Variants in GRK5 observed in about 807,000 individuals in gnomAD.
GRK5 encodes g protein-coupled receptor kinase GRK5.
In GRK5, 40 loss-of-function variants were observed where a neutral mutation model predicts 78.4. The ratio of observed to expected loss-of-function variants is 0.51; its 90% CI spans 0.40 to 0.66. The LOEUF (loss-of-function observed/expected upper bound fraction) is 0.66. GRK5 is among the 30% of genes least tolerant of loss of function. The pLI is 0.00. For synonymous variants in GRK5, 289 were observed against 296.8 expected (o/e 0.97, Z 0.27); for missense variants, 598 against 759.9 (o/e 0.79, Z 2.50).
At chr10:119,221,268 C>G (rs964288808) in intron 1 of GRK5, among the ~76,000 whole-genome samples, 2 of 152,144 alleles carry the variant, frequency 1.3e-5, no homozygotes, top group Non-Finnish European at 2.9e-5. Flanking sequence ...TGTAGGTGAA[C>G]GTTTTCCCAA....
chr10:119,436,537 C>A, intron 8 of GRK5, 114 bp from the exon 9 acceptor site: 1 of 1,019,062 alleles, frequency 9.8e-7, no homozygotes, highest in Non-Finnish European at 1.5e-6. Flanking sequence ...TGCAGGGGAG[C>A]AGGGTGAGGC....
At chr10:119,261,033 G>T in intron 1 of GRK5, among the ~76,000 whole-genome samples, 1 of 142,386 alleles carries the variant, frequency 7.0e-6, no homozygotes, top group Non-Finnish European at 1.6e-5. Context: ...CCGGGCAGGG[G>T]GCTGACCCCC....
intron 1 of GRK5, among the ~76,000 whole-genome samples, chr10:119,316,488 C>T (rs1002765084): frequency 6.6e-6 from 1 of 152,228 alleles, no homozygotes; most frequent in South Asian, 2.1e-4. Context: ...CAGGCACCTG[C>T]CACAAGGGTG....
chr10:119,420,350 A>C (rs1054027513), intron 4 of GRK5, among the ~76,000 whole-genome samples: 6 of 61,422 alleles, frequency 9.8e-5, no homozygotes, highest in Non-Finnish European at 2.3e-4. Flanking sequence ...ACAAACAAAC[A>C]AACAAAAAAA....
At chr10:119,417,400 A>T (rs1045061390) in intron 4 of GRK5, among the ~76,000 whole-genome samples, 1 of 152,156 alleles carries the variant, frequency 6.6e-6, no homozygotes, top group African/African-American at 2.4e-5. Context: ...GCGGCAGTTG[A>T]CCTGGGAGGG....
At chr10:119,362,450 C>T (rs1333764491) in intron 2 of GRK5, among the ~76,000 whole-genome samples, 2 of 152,206 alleles carry the variant, frequency 1.3e-5, no homozygotes, top group Non-Finnish European at 2.9e-5. Context: ...TTCCTGGAAC[C>T]AGGGTGTTTG....
chr10:119,262,329 GTTTTTTTTTTT>G (rs149424799), intron 1 of GRK5, among the ~76,000 whole-genome samples: 5 of 67,544 alleles, frequency 7.4e-5, no homozygotes, highest in African/African-American at 2.7e-4. Flanking sequence ...TTAACTTTGG[GTTTTTTTTTTT>G]TTTTTTTTTT....
At chr10:119,425,764 CTT>C (rs1263428875) in intron 6 of GRK5, among the ~76,000 whole-genome samples, 3 of 152,244 alleles carry the variant, frequency 2.0e-5, no homozygotes, top group Admixed American at 6.5e-5. Context: ...GACCAAGTGT[CTT>C]TTCTTGTGTG....
intron 1 of GRK5, among the ~76,000 whole-genome samples, chr10:119,220,229 C>T (rs1458066507): frequency 1.3e-5 from 2 of 152,082 alleles, no homozygotes; most frequent in African/African-American, 2.4e-5. Flanking sequence ...GTTATTTTGC[C>T]GCACACTTAT....
intron 3 of GRK5, among the ~76,000 whole-genome samples, chr10:119,393,896 G>C (rs1589782789): frequency 6.6e-6 from 1 of 151,934 alleles, no homozygotes; most frequent in East Asian, 1.9e-4. Flanking sequence ...GTATGTGTGT[G>C]TGTAGGGGTG....
At position 119,308,790 on chromosome 10, in the gene GRK5, G is replaced by A. The variant is rs149054736; in HGVS notation, c.53-17726G>A. 1.2e-3 allele frequency among the ~76,000 whole-genome samples: 190 copies of A among 152,354 alleles called. 2 individuals are homozygous for A. Among genetic ancestry groups the A allele is most frequent in the African/African-American group, 4.5e-3 (187 of 41,582 alleles). On this transcript the variant is annotated intron_variant, in intron 1 of 15. Transcript: ENST00000392870. ...GCCAGCTGCTTCCTGGTTCCAGGGG[G>A]CCAGGAGGAGGATCTTAGTGTTAGC...
intron 4 of GRK5, among the ~76,000 whole-genome samples, chr10:119,417,360 T>C (rs1232253156): frequency 1.3e-5 from 2 of 152,208 alleles, no homozygotes; most frequent in African/African-American, 4.8e-5. Flanking sequence ...TCATTCCTGC[T>C]TCAGGTTAAG....
At position 119,453,177 on chromosome 10, in the gene GRK5, C is replaced by A. The variant is rs760745107; in HGVS notation, c.1575C>A (p.Asn525Lys). 5 of 1,564,760 alleles carry A rather than the reference C, an allele frequency of 3.2e-6. No individual in the cohort carries two copies. The African/African-American group carries it at 5.4e-5, about 17-fold the overall frequency. ...AAACAGAATGCTTTAAGGAGCTGAA[C>A]GTGTTTGGACCTAATGGTACCCTCC... ...MIETECFKEL[N>K]VFGPNGTLPP... The change falls in exon 15 of 16, where the codon AAC becomes AAA. Residue 525 changes from asparagine to lysine, a missense_variant. Coordinates refer to ENST00000392870, the MANE Select transcript of GRK5 (RefSeq NM_005308.3).
At chr10:119,343,947 A>T (rs1455351767) in intron 2 of GRK5, among the ~76,000 whole-genome samples, 1 of 152,106 alleles carries the variant, frequency 6.6e-6, no homozygotes, top group Admixed American at 6.5e-5. Context: ...AGGACTTGGG[A>T]TGTACCATAA....
rs1852788094 is a variant in GRK5, at chr10:119,430,247, G to A, written c.534-128G>A. On this transcript the variant is annotated intron_variant, in intron 6 of 15. Transcript: ENST00000392870. The surrounding 1 kb of genome is among the most constrained non-coding windows in gnomAD (Gnocchi z 4.5). ...CAGTCTCCAGCGATGATTCCTGGGGGGTCCCTGGGGCTGCTGTGGGGCTCC... is the reference window on the plus strand; with the variant it reads ...CAGTCTCCAGCGATGATTCCTGGGGAGTCCCTGGGGCTGCTGTGGGGCTCC... 2.6e-6 allele frequency: 2 copies of A among 777,964 alleles called. No individual in the cohort carries two copies. Among genetic ancestry groups the A allele is most frequent in the East Asian group, 2.5e-5 (1 of 39,518 alleles). The allele number at this position is 777,964 out of a possible 1,614,324, so 48.2% of individuals were successfully genotyped here. A position where few individuals can be genotyped will look rare whatever the true frequency, so the allele number is the denominator to read the frequency against.
intron 4 of GRK5, among the ~76,000 whole-genome samples, chr10:119,422,725 G>A (rs1411696149): frequency 6.6e-6 from 1 of 152,230 alleles, no homozygotes; most frequent in Non-Finnish European, 1.5e-5. Flanking sequence ...GCCTGCTGGG[G>A]GCTCAGTGAT....
intron 4 of GRK5, chr10:119,406,435 C>A: frequency 6.1e-6 from 6 of 984,718 alleles, no homozygotes; most frequent in Non-Finnish European, 7.2e-6. Context: ...CCAGGGCAAC[C>A]AAGGGTGTGA....
At chr10:119,273,467 C>T (rs1849617473) in intron 1 of GRK5, among the ~76,000 whole-genome samples, 1 of 152,208 alleles carries the variant, frequency 6.6e-6, no homozygotes, top group South Asian at 2.1e-4. Flanking sequence ...CATCCATGAT[C>T]TATTCATGGT....
In GRK5 at chr10:119,207,613, G is replaced by A. The variant is rs1022698368; in HGVS notation, c.-305G>A. On this transcript the variant is annotated 5_prime_UTR_variant, in exon 1 of 16. Transcript: ENST00000392870. ...TAAAGCATCCGAGGGAGCCGGAGGG[G>A]AGGAGAATGGAGTGACAGAGACACG... 21 of 322,474 alleles carry A rather than the reference G, an allele frequency of 6.5e-5. No homozygotes were observed. The highest frequency in any genetic ancestry group is 1.2e-4 in the Non-Finnish European group (20 of 173,856). The allele number at this position is 322,474 out of a possible 1,614,324, so 20.0% of individuals were successfully genotyped here. A position where few individuals can be genotyped will look rare whatever the true frequency, so the allele number is the denominator to read the frequency against.
Sources: gnomAD v4.1 joint callset for allele counts (sites outside exome capture counted in the v4.1 genomes callset) on GRCh38, gnomAD v4.1.1 for gene constraint, Gnocchi (gnomAD v3.1) non-coding constraint, MANE v1.5 for transcripts, NCBI Gene and HGNC (gene_info 2026-07-23, HGNC 2026-07-21) for gene names.